DNAI4: variants seen among roughly 807,000 people sequenced by gnomAD.
DNAI4 encodes dynein axonemal intermediate chain 4.
DNAI4 carries 85 observed loss-of-function variants against 105.8 expected under a neutral mutation model. The ratio of observed to expected loss-of-function variants is 0.80; its 90% CI spans 0.67 to 0.96. The LOEUF (loss-of-function observed/expected upper bound fraction) is 0.96. DNAI4 is among the 40% of genes least tolerant of loss of function. The pLI is 0.00. For missense variants in DNAI4, 1,014 were observed against 1,005.6 expected, an observed-to-expected ratio of 1.01 and a Z score of -0.11; for synonymous variants, 352 against 331.5, an observed-to-expected ratio of 1.06 and a Z score of -0.67.
intron 6 of DNAI4, among the ~76,000 whole-genome samples, chr1:66,866,266 C>A (rs1646730951): frequency 1.3e-5 from 2 of 150,668 alleles, no homozygotes; most frequent in South Asian, 2.1e-4. Context: ...GAGATTGCAC[C>A]ATGGCACTCC....
chr1:66,893,124 A>AGAAAGAAAGAAAGAAG (rs1557965856), intron 3 of DNAI4, 105 bp downstream of exon 3: 4 of 541,750 alleles, frequency 7.4e-6, no homozygotes, highest in East Asian at 3.2e-5. Flanking sequence ...AAAGAAAGAA[A>AGAAAGAAAGAAAGAAG]CTGGGAGACT....
chr1:66,836,218 G>A lies in DNAI4; in HGVS notation c.1582-441C>T, dbSNP rs1487855816. 2.8e-3 allele frequency among the ~76,000 whole-genome samples: 244 copies of A among 86,252 alleles called. 3 individuals are homozygous for A. Among genetic ancestry groups the A allele is most frequent in the African/African-American group, 6.1e-3 (137 of 22,356 alleles). 56.6% of individuals were successfully genotyped at this position (86,252 alleles called of 152,430 possible). Reference sequence around the variant, plus strand: ...AAAGAAAGAAAGAAAGAGAGAGAGAGAGAGAGAGAGAGAGAGAAAGAAAGA... The same window carrying A: ...AAAGAAAGAAAGAAAGAGAGAGAGAAAGAGAGAGAGAGAGAGAAAGAAAGA... On this transcript the variant is annotated intron_variant, in intron 10 of 16. Coordinates refer to ENST00000371026, the MANE Select transcript of DNAI4 (RefSeq NM_024763.5).
intron 16 of DNAI4, among the ~76,000 whole-genome samples, chr1:66,821,727 T>A (rs1288714511): frequency 6.6e-6 from 1 of 152,164 alleles, no homozygotes; most frequent in East Asian, 1.9e-4. Context: ...GATTTGTGCA[T>A]ATTTTTAATA....
At chr1:66,829,544 C>G (rs1645825558) in intron 13 of DNAI4, among the ~76,000 whole-genome samples, 1 of 151,680 alleles carries the variant, frequency 6.6e-6, no homozygotes, top group South Asian at 2.1e-4. Context: ...ATGTATGTAC[C>G]TAATAAGAAA....
intron 10 of DNAI4, among the ~76,000 whole-genome samples, chr1:66,836,607 T>G (rs896936629): frequency 1.3e-5 from 2 of 152,216 alleles, no homozygotes; most frequent in African/African-American, 4.8e-5. Flanking sequence ...ATGTCTAATT[T>G]AAATCCTTTC....
intron 16 of DNAI4, among the ~76,000 whole-genome samples, chr1:66,820,202 C>T (rs1490113873): frequency 1.3e-5 from 2 of 151,890 alleles, no homozygotes; most frequent in African/African-American, 2.4e-5. Flanking sequence ...GATTACATTC[C>T]TCAGAGTAGA....
intron 16 of DNAI4, 52 bp from the exon 17 acceptor site, chr1:66,814,232 G>A (rs749559962): frequency 1.4e-6 from 2 of 1,399,238 alleles, no homozygotes; most frequent in Non-Finnish European, 2.0e-6. Context: ...AAATTAAAAG[G>A]TAAAGTAGTC....
intron 10 of DNAI4, chr1:66,837,476 A>G (rs1646052526): frequency 2.3e-6 from 1 of 437,270 alleles, no homozygotes; most frequent in Non-Finnish European, 4.0e-6. Context: ...ATCATCATAT[A>G]TAACAGCATA....
intron 15 of DNAI4, among the ~76,000 whole-genome samples, chr1:66,825,166 CTTTTTTTTTTT>C (rs759572433): frequency 2.1e-5 from 2 of 95,910 alleles, no homozygotes; most frequent in South Asian, 4.0e-4. Context: ...TAATAACTGT[CTTTTTTTTTTT>C]TTTTTTTTTT....
Position 66,893,245 on chromosome 1 carries a change from A to T in DNAI4, c.514T>A (p.Leu172Ile). ...LYQNTINPST[L>I]GQFTRSVLGS... ...ATACTCTACCTTGTAAACTGCCCTA[A>T]CGTACTAGGATTTATTGTATTCTGA... The change falls in exon 3 of 17, where the codon TTA (leucine) becomes ATA (isoleucine). Residue 172 changes from leucine (L) to isoleucine (I), a missense_variant. Leu to Ile is a conservative substitution (Grantham distance 5). Transcript: ENST00000371026. 2 of 1,585,008 alleles carry T rather than the reference A, an allele frequency of 1.3e-6. No individual in the cohort carries two copies.
intron 1 of DNAI4, chr1:66,907,136 G>A (rs533002645): frequency 2.6e-5 from 4 of 152,016 alleles, no homozygotes; most frequent in African/African-American, 7.2e-5. Context: ...TAAAATGTTA[G>A]TCAGTAATAC....
chr1:66,824,360 T>C (rs1645703146), intron 15 of DNAI4, among the ~76,000 whole-genome samples: 1 of 151,700 alleles, frequency 6.6e-6, no homozygotes, highest in East Asian at 1.9e-4. Flanking sequence ...TCCAGCTTTG[T>C]TCTTTTGGCT....
Position 66,833,748 on chromosome 1 carries a change from A to T in DNAI4, c.1892-42T>A, listed in dbSNP as rs768880995. 51 of 1,596,038 alleles carry T rather than the reference A, an allele frequency of 3.2e-5. No homozygotes were observed. In the East Asian group the frequency reaches 4.7e-4, roughly 15 times the overall value. On this transcript the variant is annotated intron_variant, in intron 12 of 16. Coordinates refer to ENST00000371026, the MANE Select transcript of DNAI4 (RefSeq NM_024763.5). ...ACATATATAACTTGTTATTTACCACATGAAAGAGTACCGCAAATATCATGT... is the reference window on the plus strand; with the variant it reads ...ACATATATAACTTGTTATTTACCACTTGAAAGAGTACCGCAAATATCATGT...
Position 66,847,660 on chromosome 1 carries a change from A to G in DNAI4, c.1115T>C (p.Leu372Pro), listed in dbSNP as rs34367895. Residue 372 changes from leucine to proline, a missense_variant, in exon 8 of 17, where the codon CTA (leucine) becomes CCA (proline). Leu to Pro is a moderately conservative substitution (Grantham distance 98, BLOSUM62 -3). Transcript: ENST00000371026. Reference protein sequence around the residue: ...TTEKNSETSSLMDIENVILAK... With the variant: ...TTEKNSETSSPMDIENVILAK... Reference sequence around the variant, plus strand: ...CAGAATTACATTTTCTATGTCCATTAGAGAACTAGTTTCACTATCTACAAA... The same window carrying G: ...CAGAATTACATTTTCTATGTCCATTGGAGAACTAGTTTCACTATCTACAAA... 1.2e-3 allele frequency: 1,852 copies of G among 1,609,066 alleles called. 10 individuals are homozygous for G. The African/African-American group carries it at 0.022, about 20-fold the overall frequency.
intron 8 of DNAI4, among the ~76,000 whole-genome samples, chr1:66,845,217 T>TAAC (rs1646251482): frequency 2.6e-5 from 1 of 38,108 alleles, no homozygotes; most frequent in Non-Finnish European, 5.2e-5. Flanking sequence ...AAAGAAAAAT[T>TAAC]AAAAAAAAAA....
intron 1 of DNAI4, among the ~76,000 whole-genome samples, chr1:66,913,095 T>A (rs372996935): frequency 6.6e-6 from 1 of 151,938 alleles, no homozygotes; most frequent in East Asian, 1.9e-4. Flanking sequence ...AAAATGAGGG[T>A]TTTTTGGTTT....
intron 15 of DNAI4, among the ~76,000 whole-genome samples, chr1:66,823,530 G>A (rs1183406917): frequency 6.8e-6 from 1 of 147,456 alleles, no homozygotes; most frequent in Non-Finnish European, 1.5e-5. Flanking sequence ...CACCAACAGT[G>A]TAAAAGTGTT....
intron 1 of DNAI4, among the ~76,000 whole-genome samples, chr1:66,913,203 C>A (rs947158198): frequency 6.6e-6 from 1 of 152,260 alleles, no homozygotes; most frequent in Middle Eastern, 3.4e-3. Context: ...TTCCTTGGCT[C>A]AAGTTAAGAT....
chr1:66,860,025 C>T (rs1447604124), intron 7 of DNAI4, among the ~76,000 whole-genome samples: 2 of 151,968 alleles, frequency 1.3e-5, no homozygotes, highest in African/African-American at 4.8e-5. Context: ...AAATATACCA[C>T]ATTAATGCAA....
Sources: allele counts gnomAD v4.1 joint callset (sites outside exome capture counted in the v4.1 genomes callset), GRCh38; gene constraint gnomAD v4.1.1; transcripts MANE v1.5; gene names NCBI Gene and HGNC (gene_info 2026-07-23, HGNC 2026-07-21).